The following ABTB3 variants were observed in gnomAD, a reference collection of about 807,000 sequenced individuals.
The protein encoded by ABTB3 is ankyrin repeat and BTB domain containing 3.
the ABTB3 span, among the ~76,000 whole-genome samples, chr12:107,394,199 C>T: frequency 1.3e-5 from 2 of 151,810 alleles, no homozygotes; most frequent in Non-Finnish European, 2.9e-5. Flanking sequence ...AGTAGTTCTT[C>T]GAGATTGCCC....
At chr12:107,355,219 C>T in the ABTB3 span, among the ~76,000 whole-genome samples, 1 of 152,262 alleles carries the variant, frequency 6.6e-6, no homozygotes, top group Non-Finnish European at 1.5e-5. Context: ...CTCTGAGCTG[C>T]AGAGCTGGGC....
the ABTB3 span, among the ~76,000 whole-genome samples, chr12:107,437,197 C>T: frequency 6.6e-6 from 1 of 152,048 alleles, no homozygotes. Flanking sequence ...AAATGTATTC[C>T]AACATACACA....
At chr12:107,432,827 C>G in the ABTB3 span, among the ~76,000 whole-genome samples, 3 of 152,138 alleles carry the variant, frequency 2.0e-5, no homozygotes, top group Non-Finnish European at 4.4e-5. Flanking sequence ...AACAAGCTCC[C>G]CCCGAGGTTC....
At chr12:107,643,179 G>A in the ABTB3 span, among the ~76,000 whole-genome samples, 3 of 152,040 alleles carry the variant, frequency 2.0e-5, no homozygotes, top group African/African-American at 4.8e-5. Context: ...GCTGAGGTGG[G>A]AGGATCACTT....
chr12:107,618,359 A>C, the ABTB3 span: 1 of 1,613,070 alleles, frequency 6.2e-7, no homozygotes, highest in Non-Finnish European at 8.5e-7. Flanking sequence ...TGGATGTCAC[A>C]ATTGATATCA....
the ABTB3 span, among the ~76,000 whole-genome samples, chr12:107,600,330 G>A: frequency 2.0e-5 from 3 of 152,186 alleles, no homozygotes; most frequent in Non-Finnish European, 2.9e-5. Flanking sequence ...AGATTATTTT[G>A]AAGATTTAAG....
At chr12:107,555,630 G>A in the ABTB3 span, among the ~76,000 whole-genome samples, 1 of 152,188 alleles carries the variant, frequency 6.6e-6, no homozygotes, top group Non-Finnish European at 1.5e-5. Flanking sequence ...GCACTGTCCA[G>A]CATGGTCACC....
chr12:107,567,843 C>G, the ABTB3 span, among the ~76,000 whole-genome samples: 35 of 152,328 alleles, frequency 2.3e-4, no homozygotes, highest in African/African-American at 7.2e-4. Context: ...ACCATTCCCC[C>G]CTACCCCCAG....
At chr12:107,364,169 A>G in the ABTB3 span, among the ~76,000 whole-genome samples, 4 of 152,196 alleles carry the variant, frequency 2.6e-5, no homozygotes, top group African/African-American at 9.7e-5. Flanking sequence ...TTGGCTTGAC[A>G]TATTCCCTGC....
chr12:107,407,462 G>A, the ABTB3 span, among the ~76,000 whole-genome samples: 1 of 152,178 alleles, frequency 6.6e-6, no homozygotes, highest in African/African-American at 2.4e-5. Context: ...CTGAGGTTTG[G>A]GCTCAGATCT....
the ABTB3 span, among the ~76,000 whole-genome samples, chr12:107,514,866 A>T: frequency 6.6e-6 from 1 of 152,206 alleles, no homozygotes. Context: ...AATAATTCCA[A>T]GGGAAATTGT....
chr12:107,416,634 A>T, the ABTB3 span, among the ~76,000 whole-genome samples: 1 of 151,922 alleles, frequency 6.6e-6, no homozygotes, highest in African/African-American at 2.4e-5. Flanking sequence ...TTTCCATCCT[A>T]TTTTCACACC....
chr12:107,417,900 T>C, the ABTB3 span, among the ~76,000 whole-genome samples: 1 of 152,214 alleles, frequency 6.6e-6, no homozygotes, highest in Admixed American at 6.5e-5. Flanking sequence ...AGATAGAGAA[T>C]GACCCATGGC....
chr12:107,380,254 G>C, the ABTB3 span, among the ~76,000 whole-genome samples: 1 of 152,166 alleles, frequency 6.6e-6, no homozygotes, highest in Admixed American at 6.5e-5. Flanking sequence ...TTATTTCAGA[G>C]CATGCTTTAT....
the ABTB3 span, among the ~76,000 whole-genome samples, chr12:107,351,777 T>A: frequency 6.6e-6 from 1 of 152,132 alleles, no homozygotes; most frequent in African/African-American, 2.4e-5. Context: ...AATGACACAG[T>A]CTCAGATATT....
At chr12:107,540,109 C>T in the ABTB3 span, among the ~76,000 whole-genome samples, 1 of 152,154 alleles carries the variant, frequency 6.6e-6, no homozygotes, top group Non-Finnish European at 1.5e-5. Context: ...TAACAAAACT[C>T]CTGAGACTGG....
the ABTB3 span, among the ~76,000 whole-genome samples, chr12:107,583,219 A>G: frequency 1.3e-5 from 2 of 152,252 alleles, no homozygotes; most frequent in Non-Finnish European, 2.9e-5. Context: ...CTGAAAGGAA[A>G]TAAGTGCCTA....
chr12:107,645,427 C>T, the ABTB3 span, among the ~76,000 whole-genome samples: 2 of 152,106 alleles, frequency 1.3e-5, no homozygotes, highest in Non-Finnish European at 2.9e-5. Flanking sequence ...TTCAGAGAGG[C>T]GGAGTAAGTG....
the ABTB3 span, among the ~76,000 whole-genome samples, chr12:107,369,959 G>C: frequency 6.6e-5 from 10 of 152,120 alleles, no homozygotes; most frequent in Non-Finnish European, 1.5e-4. Flanking sequence ...ACGTGAACTT[G>C]AACTACTCCC....
Sources: allele counts gnomAD v4.1 joint callset (sites outside exome capture counted in the v4.1 genomes callset), GRCh38; gene constraint gnomAD v4.1.1; transcripts MANE v1.5; gene names NCBI Gene and HGNC (gene_info 2026-07-23, HGNC 2026-07-21).